The following TTC29 variants were observed in gnomAD, a reference collection of about 807,000 sequenced individuals.
TTC29 encodes tetratricopeptide repeat domain 29.
TTC29 carries 49 observed loss-of-function variants against 58.1 expected under a neutral mutation model. The ratio of observed to expected loss-of-function variants is 0.84; its 90% CI spans 0.67 to 1.07. The LOEUF (loss-of-function observed/expected upper bound fraction) is 1.07. Ranked by LOEUF, TTC29 falls within the 50% of genes least tolerant of loss-of-function variation. The pLI is 0.00. For missense variants in TTC29, 582 were observed against 555.6 expected, an observed-to-expected ratio of 1.05 and a Z score of -0.48; for synonymous variants, 209 against 196.8, an observed-to-expected ratio of 1.06 and a Z score of -0.52.
chr4:146,917,612 A>ATAATATCTAATTAGAAATT (rs1229139204), intron 4 of TTC29, among the ~76,000 whole-genome samples: 1 of 144,386 alleles, frequency 6.9e-6, no homozygotes. Flanking sequence ...TATTATTTAT[A>ATAATATCTAATTAGAAATT]ATATATAATT....
In TTC29 at chr4:146,708,938, T is replaced by C. The variant is rs531463397; in HGVS notation, c.1331-1387A>G. On this transcript the variant is annotated intron_variant, in intron 11 of 12. Coordinates refer to ENST00000325106, the MANE Select transcript of TTC29 (RefSeq NM_031956.4). Reference sequence around the variant, plus strand: ...CTCACTACTGCACCTGAAGATGGGTTGGTGTCCTCTCCTCCTTGTTCTTTC... The same window carrying C: ...CTCACTACTGCACCTGAAGATGGGTCGGTGTCCTCTCCTCCTTGTTCTTTC... Among the ~76,000 whole-genome samples, 108 of 152,122 alleles carry C rather than the reference T, an allele frequency of 7.1e-4. 1 individual carries two copies. The highest frequency in any genetic ancestry group is 2.4e-4 in the Non-Finnish European group (16 of 68,020).
At chr4:146,717,942 G>GAGTT (rs1743060059) in intron 11 of TTC29, among the ~76,000 whole-genome samples, 1 of 149,140 alleles carries the variant, frequency 6.7e-6, no homozygotes, top group Admixed American at 6.6e-5. Context: ...CTGCTTCTTT[G>GAGTT]AGTTAGATTA....
At chr4:146,777,107 C>T (rs1338939613) in intron 11 of TTC29, among the ~76,000 whole-genome samples, 2 of 152,146 alleles carry the variant, frequency 1.3e-5, no homozygotes, top group African/African-American at 2.4e-5. Flanking sequence ...GGGGTGGGGA[C>T]AGGTAGTTGT....
chr4:146,781,733 T>C (rs1364547690), intron 11 of TTC29, among the ~76,000 whole-genome samples: 1 of 151,984 alleles, frequency 6.6e-6, no homozygotes, highest in African/African-American at 2.4e-5. Flanking sequence ...AGTATAGGAC[T>C]ACCAGAAAAT....
At chr4:146,881,944 C>T (rs1291207774) in intron 6 of TTC29, among the ~76,000 whole-genome samples, 3 of 152,028 alleles carry the variant, frequency 2.0e-5, no homozygotes, top group Non-Finnish European at 2.9e-5. Context: ...AGTTTAAAAA[C>T]GGAATCCTCT....
chr4:146,814,374 G>A (rs934578301), intron 10 of TTC29, among the ~76,000 whole-genome samples: 1 of 143,058 alleles, frequency 7.0e-6, no homozygotes, highest in African/African-American at 2.6e-5. Flanking sequence ...TTGAGTCCAG[G>A]AGTTCAAGAC....
intron 11 of TTC29, among the ~76,000 whole-genome samples, chr4:146,728,861 A>ATATATATGTATATATATACGTAT (rs1744103962): frequency 2.1e-5 from 1 of 48,728 alleles, no homozygotes; most frequent in African/African-American, 4.8e-5. Flanking sequence ...ATATATACAC[A>ATATATATGTATATATATACGTAT]TATATATGTG....
At chr4:146,760,752 G>GTGTA (rs1223991174) in intron 11 of TTC29, among the ~76,000 whole-genome samples, 1 of 119,186 alleles carries the variant, frequency 8.4e-6, no homozygotes, top group Non-Finnish European at 1.7e-5. Flanking sequence ...ACATATATAT[G>GTGTA]TGTATATATA....
intron 11 of TTC29, among the ~76,000 whole-genome samples, chr4:146,762,346 C>CTTT (rs34223852): frequency 1.5e-5 from 2 of 136,706 alleles, no homozygotes; most frequent in Non-Finnish European, 1.6e-5. Flanking sequence ...AGTGTAATTT[C>CTTT]TTTTTTTTTT....
At chr4:146,756,270 CAAAA>C (rs146497942) in intron 11 of TTC29, among the ~76,000 whole-genome samples, 10 of 107,554 alleles carry the variant, frequency 9.3e-5, no homozygotes, top group East Asian at 2.8e-4. Context: ...GACTCTGTCT[CAAAA>C]AAAAAAAAAA....
intron 8 of TTC29, among the ~76,000 whole-genome samples, chr4:146,858,980 C>G (rs1466777167): frequency 6.6e-6 from 1 of 152,130 alleles, no homozygotes; most frequent in African/African-American, 2.4e-5. Flanking sequence ...GTACTTACTG[C>G]CTTTACTTCA....
At chr4:146,842,682 C>T (rs1175361195) in intron 8 of TTC29, among the ~76,000 whole-genome samples, 1 of 152,042 alleles carries the variant, frequency 6.6e-6, no homozygotes, top group Non-Finnish European at 1.5e-5. Context: ...TCTTCCTTCC[C>T]CACCATAAAA....
intron 11 of TTC29, among the ~76,000 whole-genome samples, chr4:146,790,334 G>A (rs986324446): frequency 6.6e-6 from 1 of 151,760 alleles, no homozygotes; most frequent in Non-Finnish European, 1.5e-5. Context: ...GACTACAGGC[G>A]CCCGCCACCA....
chr4:146,731,886 C>A (rs1036450816), intron 11 of TTC29, among the ~76,000 whole-genome samples: 3 of 152,144 alleles, frequency 2.0e-5, no homozygotes, highest in African/African-American at 7.2e-5. Context: ...CATGGTCCAG[C>A]CAGTTAGCGT....
In TTC29 at chr4:146,833,848, CTG is replaced by C. The variant is rs1253711774; in HGVS notation, c.933_934del (p.Leu313GlyfsTer5). 3.1e-6 allele frequency: 5 copies of C among 1,613,236 alleles called. No homozygotes were observed. The highest frequency in any genetic ancestry group is 4.2e-6 in the Non-Finnish European group (5 of 1,179,532). On this transcript the variant is annotated frameshift_variant, in exon 9 of 13. Transcript: ENST00000325106. LOFTEE classifies it high-confidence loss of function. ...TATGGCTTCATAGCCTCTCCCCAGA[CTG>C]AGATCATCATCCAGGTCTGTGGAGA... is the stretch of plus-strand genomic sequence containing the variant.
chr4:146,933,008 A>G (rs1375975280), intron 4 of TTC29, among the ~76,000 whole-genome samples: 4 of 151,946 alleles, frequency 2.6e-5, no homozygotes, highest in Admixed American at 2.6e-4. Context: ...CAGTGAGCTG[A>G]GATCGCACCA....
rs116025902 is a variant in TTC29 at position 146,937,843 on chromosome 4, A to G, written c.93-166T>C. Reference sequence around the variant, plus strand: ...CGTTGGTTGATCATTTCAAAATTTTATCTTTCCTGAATGGAAAATGATAAG... The same window carrying G: ...CGTTGGTTGATCATTTCAAAATTTTGTCTTTCCTGAATGGAAAATGATAAG... On this transcript the variant is annotated intron_variant, in intron 3 of 12. Transcript: ENST00000325106. Among the ~76,000 whole-genome samples, 1,208 of 152,268 alleles carry G rather than the reference A, an allele frequency of 7.9e-3. 10 individuals carry two copies. The highest frequency in any genetic ancestry group is 0.021 in the African/African-American group (860 of 41,580).
chr4:146,866,372 T>C (rs1418775301), intron 8 of TTC29, among the ~76,000 whole-genome samples: 1 of 152,162 alleles, frequency 6.6e-6, no homozygotes, highest in Non-Finnish European at 1.5e-5. Flanking sequence ...TGCTGTTCTA[T>C]CATTGTGGAC....
At chr4:146,907,254 G>A (rs893299920) in intron 5 of TTC29, among the ~76,000 whole-genome samples, 7 of 151,998 alleles carry the variant, frequency 4.6e-5, no homozygotes, top group African/African-American at 1.2e-4. Context: ...GGCATTTTAG[G>A]TTCTTATAAA....
Sources: allele counts gnomAD v4.1 joint callset (sites outside exome capture counted in the v4.1 genomes callset), GRCh38; gene constraint gnomAD v4.1.1; transcripts MANE v1.5; gene names NCBI Gene and HGNC (gene_info 2026-07-23, HGNC 2026-07-21).